ME1: variants seen among roughly 807,000 people sequenced by gnomAD.
ME1 encodes the protein NADP-dependent malic enzyme.
In ME1, 74 loss-of-function variants were observed where a neutral mutation model predicts 66.4. The observed-to-expected ratio is 1.11, with a 90% CI of 0.92 to 1.35. The LOEUF is 1.35. Among genes scored for constraint, ME1 ranks in the 40% most tolerant of loss-of-function variants. The pLI, the probability that ME1 is intolerant of heterozygous loss-of-function variation, is 0.00. For missense variants in ME1, 750 were observed against 694.1 expected (o/e 1.08, Z -0.90); for synonymous variants, 251 against 235.6 (o/e 1.07, Z -0.60).
At chr6:83,347,068 C>T (rs1768701527) in intron 4 of ME1, among the ~76,000 whole-genome samples, 1 of 152,130 alleles carries the variant, frequency 6.6e-6, no homozygotes, top group African/African-American at 2.4e-5. Flanking sequence ...ATTCTCCTGT[C>T]TCAGCCTCCC....
intron 6 of ME1, among the ~76,000 whole-genome samples, chr6:83,269,643 AT>A (rs1382446382): frequency 6.6e-6 from 1 of 152,206 alleles, no homozygotes; most frequent in African/African-American, 2.4e-5. Flanking sequence ...ATTTGAAATA[AT>A]TACAGGCCTA....
At chr6:83,428,278 C>A (rs567318781) in intron 1 of ME1, among the ~76,000 whole-genome samples, 1 of 152,180 alleles carries the variant, frequency 6.6e-6, no homozygotes, top group East Asian at 1.9e-4. Context: ...AGACTGTAAA[C>A]CCAATTGACA....
At chr6:83,269,482 TA>T (rs1767048898) in intron 6 of ME1, among the ~76,000 whole-genome samples, 1 of 152,202 alleles carries the variant, frequency 6.6e-6, no homozygotes, top group South Asian at 2.1e-4. Flanking sequence ...TATTATGAAG[TA>T]GTTAAACAAT....
intron 1 of ME1, among the ~76,000 whole-genome samples, chr6:83,419,132 T>A (rs201335983): frequency 6.6e-6 from 1 of 151,678 alleles, no homozygotes; most frequent in Non-Finnish European, 1.5e-5. Context: ...TTATCCTAAG[T>A]ATGGGAAGCC....
intron 11 of ME1, 126 bp from the exon 12 acceptor site, chr6:83,224,059 A>T (rs774908265): frequency 5.0e-5 from 42 of 831,914 alleles, no homozygotes; most frequent in Non-Finnish European, 7.2e-5. Context: ...TTTTTTATTA[A>T]CTTGCTAATA....
At chr6:83,252,527 C>G (rs545335955) in intron 7 of ME1, among the ~76,000 whole-genome samples, 1 of 152,230 alleles carries the variant, frequency 6.6e-6, no homozygotes, top group East Asian at 1.9e-4. Flanking sequence ...TCTCAAACTC[C>G]TACGCTCAAG....
At chr6:83,346,840 A>G (rs1583393323) in intron 4 of ME1, among the ~76,000 whole-genome samples, 2 of 152,232 alleles carry the variant, frequency 1.3e-5, no homozygotes, top group South Asian at 2.1e-4. Flanking sequence ...TAATCACTTG[A>G]TATCTTTGAA....
chr6:83,367,139 C>G (rs965045733), intron 3 of ME1, among the ~76,000 whole-genome samples: 3 of 152,078 alleles, frequency 2.0e-5, no homozygotes, highest in Admixed American at 1.3e-4. Context: ...TGTCAATGAG[C>G]AGTAATATTT....
At chr6:83,346,095 C>A (rs1471070496) in intron 5 of ME1, 78 bp downstream of exon 5, 2 of 1,132,862 alleles carry the variant, frequency 1.8e-6, no homozygotes, top group Admixed American at 2.6e-5. Flanking sequence ...TTTATGAGTT[C>A]CTGGAATAAG....
At chr6:83,387,761 AT>A (rs1435098553) in intron 3 of ME1, among the ~76,000 whole-genome samples, 2 of 152,110 alleles carry the variant, frequency 1.3e-5, no homozygotes, top group Non-Finnish European at 2.9e-5. Context: ...CCTTTTATGC[AT>A]TTTTCAAAGA....
At chr6:83,262,396 T>C (rs2128529728) in intron 6 of ME1, among the ~76,000 whole-genome samples, 1 of 152,324 alleles carries the variant, frequency 6.6e-6, no homozygotes, top group South Asian at 2.1e-4. Flanking sequence ...AGAAAATGCT[T>C]TTATAAACTC....
In ME1 at chr6:83,259,154, A is replaced by G. The variant is rs561083606; in HGVS notation, c.705-5416T>C. Among the ~76,000 whole-genome samples the G allele has an allele frequency of 2.0e-5, 3 of 152,302 alleles. No individual in the cohort carries two copies. The East Asian group carries it at 5.8e-4, about 29-fold the overall frequency. On this transcript the variant is annotated intron_variant, in intron 6 of 13. Transcript: ENST00000369705. ...TTTTTATAGGATTTATTACATATGGAACATTCAAGATCTAGTGCACTTTAG... is the reference window on the plus strand; with the variant it reads ...TTTTTATAGGATTTATTACATATGGGACATTCAAGATCTAGTGCACTTTAG...
intron 6 of ME1, among the ~76,000 whole-genome samples, chr6:83,254,965 G>A (rs935810338): frequency 6.6e-6 from 1 of 152,102 alleles, no homozygotes; most frequent in African/African-American, 2.4e-5. Flanking sequence ...TTCAAGGACA[G>A]TCTCAAACCA....
At chr6:83,343,834 C>A (rs939339556) in intron 5 of ME1, among the ~76,000 whole-genome samples, 5 of 152,078 alleles carry the variant, frequency 3.3e-5, no homozygotes, top group Admixed American at 6.5e-5. Flanking sequence ...TATTTTAAGA[C>A]CTACTTTCAT....
intron 6 of ME1, among the ~76,000 whole-genome samples, chr6:83,307,985 G>A (rs1199132268): frequency 6.6e-6 from 1 of 152,104 alleles, no homozygotes; most frequent in African/African-American, 2.4e-5. Flanking sequence ...TAGTATCTCT[G>A]ACTAGTCTGG....
intron 6 of ME1, among the ~76,000 whole-genome samples, chr6:83,312,017 A>T (rs895523698): frequency 2.6e-5 from 4 of 152,150 alleles, no homozygotes; most frequent in African/African-American, 9.7e-5. Flanking sequence ...TCCGAACCTG[A>T]GTTAATTTTT....
At chr6:83,421,893 T>C (rs971497631) in intron 1 of ME1, among the ~76,000 whole-genome samples, 2 of 152,150 alleles carry the variant, frequency 1.3e-5, no homozygotes, top group Non-Finnish European at 2.9e-5. Flanking sequence ...ATAGAGCTGG[T>C]CTCAAGATCG....
intron 4 of ME1, among the ~76,000 whole-genome samples, chr6:83,351,741 A>T (rs1768806657): frequency 6.6e-6 from 1 of 152,204 alleles, no homozygotes. Flanking sequence ...GATTCCTCTT[A>T]GTGGATAATT....
intron 6 of ME1, among the ~76,000 whole-genome samples, chr6:83,270,990 A>C (rs1767072224): frequency 6.6e-6 from 1 of 151,942 alleles, no homozygotes; most frequent in South Asian, 2.1e-4. Context: ...AGTTAATTTC[A>C]AATGAAGTAA....
Sources: gnomAD v4.1 joint callset for allele counts (sites outside exome capture counted in the v4.1 genomes callset) on GRCh38, gnomAD v4.1.1 for gene constraint, MANE v1.5 for transcripts, NCBI Gene and HGNC (gene_info 2026-07-23, HGNC 2026-07-21) for gene names.